The following ZNF385D variants were observed in gnomAD, a reference collection of about 807,000 sequenced individuals.
The protein encoded by ZNF385D is zinc finger protein 659.
Under a neutral mutation model 35.8 loss-of-function variants are expected in ZNF385D, and 15 were observed. The ratio of observed to expected loss-of-function variants is 0.42; its 90% CI spans 0.28 to 0.64. The LOEUF is 0.64. Among genes scored for constraint, ZNF385D ranks in the 30% least tolerant of loss-of-function variants. ZNF385D has a pLI of 0.23. For synonymous variants in ZNF385D, 212 were observed against 186.8 expected, an observed-to-expected ratio of 1.13 and a Z score of -1.10; for missense variants, 474 against 494.6, an observed-to-expected ratio of 0.96 and a Z score of 0.39.
At chr3:21,542,051 A>G (rs2062190430) in intron 3 of ZNF385D, among the ~76,000 whole-genome samples, 1 of 152,216 alleles carries the variant, frequency 6.6e-6, no homozygotes, top group Non-Finnish European at 1.5e-5. Flanking sequence ...GTTTGACAAT[A>G]GTAATTTTTT....
At chr3:21,994,546 T>C (rs958960103) in intron 3 of ZNF385D, among the ~76,000 whole-genome samples, 23 of 152,232 alleles carry the variant, frequency 1.5e-4, no homozygotes, top group African/African-American at 5.1e-4. Flanking sequence ...GATTTCTCTT[T>C]CATTGGAATC....
intron 2 of ZNF385D, among the ~76,000 whole-genome samples, chr3:22,227,336 C>A (rs1698621867): frequency 6.6e-6 from 1 of 152,092 alleles, no homozygotes; most frequent in South Asian, 2.1e-4. Context: ...CTCCTGCCAT[C>A]TGCCCAAGGA....
chr3:21,983,612 C>T (rs1395770741), intron 3 of ZNF385D, among the ~76,000 whole-genome samples: 2 of 138,826 alleles, frequency 1.4e-5, no homozygotes, highest in Non-Finnish European at 3.1e-5. Flanking sequence ...GTGAATAATG[C>T]CGCAATAAAC....
At chr3:22,232,436 G>T (rs1698948977) in intron 2 of ZNF385D, among the ~76,000 whole-genome samples, 1 of 151,678 alleles carries the variant, frequency 6.6e-6, no homozygotes, top group African/African-American at 2.4e-5. Flanking sequence ...TGCAGAATGT[G>T]CAGTTTTGTT....
chr3:21,863,953 G>T (rs1306963177), intron 3 of ZNF385D, among the ~76,000 whole-genome samples: 2 of 152,062 alleles, frequency 1.3e-5, no homozygotes. Context: ...CAGCAAATCT[G>T]GGGAAGATGC....
At chr3:21,864,395 G>A (rs143831943) in intron 3 of ZNF385D, among the ~76,000 whole-genome samples, 1 of 152,086 alleles carries the variant, frequency 6.6e-6, no homozygotes, top group Admixed American at 6.6e-5. Flanking sequence ...TCTATGAATT[G>A]TGACTATTTG....
intron 3 of ZNF385D, among the ~76,000 whole-genome samples, chr3:21,840,967 C>T (rs1208916124): frequency 1.3e-5 from 2 of 151,978 alleles, no homozygotes; most frequent in Non-Finnish European, 2.9e-5. Context: ...GACATGTATC[C>T]AATCTGGGTT....
At chr3:21,969,404 C>T (rs751106331) in intron 3 of ZNF385D, among the ~76,000 whole-genome samples, 25 of 152,138 alleles carry the variant, frequency 1.6e-4, no homozygotes, top group Non-Finnish European at 2.8e-4. Flanking sequence ...CCTCTTTGCT[C>T]GGCACTTTTC....
At chr3:22,274,774 G>C (rs9811239) in intron 2 of ZNF385D, among the ~76,000 whole-genome samples, 1 of 150,454 alleles carries the variant, frequency 6.6e-6, no homozygotes. Flanking sequence ...GGATTCCAAC[G>C]AAGTTAGTAC....
intron 3 of ZNF385D, among the ~76,000 whole-genome samples, chr3:21,783,657 C>T (rs1170086664): frequency 6.6e-6 from 1 of 152,050 alleles, no homozygotes; most frequent in African/African-American, 2.4e-5. Flanking sequence ...CTTGTTCCCA[C>T]CATGTCTGGC....
rs2065054873 is a variant in ZNF385D at position 21,623,284 on chromosome 3, AATG to A, written c.165+41599_165+41601del. Among the ~76,000 whole-genome samples the A allele has an allele frequency of 1.3e-5, 2 of 152,160 alleles. 1 individual carries two copies. Among genetic ancestry groups the A allele is most frequent in the South Asian group, 4.1e-4 (2 of 4,838 alleles). On this transcript the variant is annotated intron_variant, in intron 2 of 7. Transcript: ENST00000281523. Reference sequence around the variant, plus strand: ...GCTCCTATTTTATCGTAAGTCATAAAATGATGTTTGGCATTTATGACACTTTTA... The same window carrying A: ...GCTCCTATTTTATCGTAAGTCATAAAATGTTTGGCATTTATGACACTTTTA...
At chr3:22,333,490 G>C (rs1383869444) in intron 2 of ZNF385D, among the ~76,000 whole-genome samples, 2 of 151,378 alleles carry the variant, frequency 1.3e-5, no homozygotes, top group African/African-American at 4.9e-5. Flanking sequence ...TCTGTTATTT[G>C]GATCGTATAA....
intron 3 of ZNF385D, among the ~76,000 whole-genome samples, chr3:21,857,636 G>A (rs9822486): frequency 0.25 from 37,620 of 151,738 alleles, 4,977 homozygotes; most frequent in Admixed American, 0.3. Context: ...CAGCCTCAGA[G>A]GGAAAGAAAA....
At chr3:21,691,074 T>G (rs538229884) in intron 1 of ZNF385D, among the ~76,000 whole-genome samples, 2 of 152,204 alleles carry the variant, frequency 1.3e-5, no homozygotes, top group African/African-American at 4.8e-5. Context: ...TTCTTTCCGC[T>G]CTAGCCTGGA....
At chr3:22,225,128 G>T (rs1046453394) in intron 2 of ZNF385D, among the ~76,000 whole-genome samples, 2 of 152,156 alleles carry the variant, frequency 1.3e-5, no homozygotes, top group African/African-American at 4.8e-5. Context: ...CTGACTTTAT[G>T]TAGTGTTAAT....
At chr3:22,185,099 A>G (rs558709795) in intron 2 of ZNF385D, among the ~76,000 whole-genome samples, 7 of 152,302 alleles carry the variant, frequency 4.6e-5, no homozygotes, top group Admixed American at 2.6e-4. Flanking sequence ...CACTGTATCT[A>G]TAATCTACCA....
chr3:21,980,217 T>C (rs976339415), intron 3 of ZNF385D, among the ~76,000 whole-genome samples: 1 of 152,284 alleles, frequency 6.6e-6, no homozygotes. Context: ...ACCTTGTAAG[T>C]AGATCCTCCA....
At chr3:22,037,708 T>C (rs889302271) in intron 3 of ZNF385D, among the ~76,000 whole-genome samples, 1 of 152,160 alleles carries the variant, frequency 6.6e-6, no homozygotes, top group Non-Finnish European at 1.5e-5. Context: ...AGCTCTTTAG[T>C]TTAATTAGAT....
At chr3:22,212,414 G>C (rs151183160) in intron 2 of ZNF385D, among the ~76,000 whole-genome samples, 73 of 152,156 alleles carry the variant, frequency 4.8e-4, no homozygotes, top group African/African-American at 1.7e-3. Context: ...GAGGGCAAAA[G>C]AAATTGATGA....
Sources: gnomAD v4.1 joint callset for allele counts (sites outside exome capture counted in the v4.1 genomes callset) on GRCh38, gnomAD v4.1.1 for gene constraint, MANE v1.5 for transcripts, NCBI Gene and HGNC (gene_info 2026-07-23, HGNC 2026-07-21) for gene names.